The following KCNH5 variants were observed in gnomAD, a reference collection of about 807,000 sequenced individuals.
The protein encoded by KCNH5 is potassium voltage-gated channel subfamily H member 5, also known as voltage-gated delayed rectifier potassium channel KCNH5.
In KCNH5, 46 loss-of-function variants were observed where a neutral mutation model predicts 96.1. The observed-to-expected ratio is 0.48, with a 90% confidence interval of 0.38 to 0.61. The LOEUF is 0.61. KCNH5 is among the 20% of genes least tolerant of loss of function. KCNH5 has a pLI of 0.00. For synonymous variants in KCNH5, 439 were observed against 449.8 expected (o/e 0.98, Z 0.30); for missense variants, 907 against 1,225.8 (o/e 0.74, Z 3.88).
chr14:63,017,100 C>G, intron 1 of KCNH5, 146 bp from the exon 2 acceptor site: 2 of 709,892 alleles, frequency 2.8e-6, no homozygotes, highest in Non-Finnish European at 4.2e-6. Context: ...GTTCTTGAAA[C>G]TGACATAACC....
chr14:62,995,996 C>G (rs1319654948), intron 4 of KCNH5, among the ~76,000 whole-genome samples: 1 of 152,056 alleles, frequency 6.6e-6, no homozygotes, highest in Admixed American at 6.6e-5. Flanking sequence ...GTGCCCAAAA[C>G]TGAATCAACA....
At chr14:62,718,196 T>G (rs1299486416) in intron 10 of KCNH5, among the ~76,000 whole-genome samples, 1 of 152,078 alleles carries the variant, frequency 6.6e-6, no homozygotes, top group African/African-American at 2.4e-5. Flanking sequence ...GGGTACTCTG[T>G]TCACTATTTG....
intron 8 of KCNH5, among the ~76,000 whole-genome samples, chr14:62,824,291 T>C (rs945034811): frequency 1.3e-5 from 2 of 152,016 alleles, no homozygotes; most frequent in South Asian, 2.1e-4. Context: ...CTGAATACTT[T>C]TCCCCTAAAG....
intron 7 of KCNH5, among the ~76,000 whole-genome samples, chr14:62,928,977 G>A (rs769168709): frequency 6.6e-6 from 1 of 151,964 alleles, no homozygotes; most frequent in Non-Finnish European, 1.5e-5. Context: ...TGTCCAGCCA[G>A]GACCTCTCCC....
intron 1 of KCNH5, among the ~76,000 whole-genome samples, chr14:63,018,998 C>CATCA (rs1304300584): frequency 6.6e-6 from 1 of 151,794 alleles, no homozygotes; most frequent in African/African-American, 2.4e-5. Context: ...TTTGAAAACA[C>CATCA]ATCAATACAA....
chr14:62,799,727 A>G (rs1886616914), intron 9 of KCNH5, among the ~76,000 whole-genome samples: 1 of 58,710 alleles, frequency 1.7e-5, no homozygotes, highest in African/African-American at 4.9e-5. Flanking sequence ...ATATATATAT[A>G]CACACACACA....
chr14:62,870,542 A>T (rs951538767), intron 7 of KCNH5, among the ~76,000 whole-genome samples: 10 of 152,290 alleles, frequency 6.6e-5, no homozygotes, highest in Middle Eastern at 6.8e-3. Flanking sequence ...TAATTTTTTT[A>T]ACTTAAAAAA....
chr14:62,786,790 T>C (rs916602610), intron 9 of KCNH5, among the ~76,000 whole-genome samples: 1 of 152,200 alleles, frequency 6.6e-6, no homozygotes, highest in Non-Finnish European at 1.5e-5. Flanking sequence ...TATGGAAATC[T>C]GTGATCAGTA....
intron 10 of KCNH5, among the ~76,000 whole-genome samples, chr14:62,734,771 T>C (rs1362692093): frequency 6.6e-6 from 1 of 152,186 alleles, no homozygotes; most frequent in African/African-American, 2.4e-5. Context: ...GACTTGGTCC[T>C]TTTTTCACAA....
intron 7 of KCNH5, among the ~76,000 whole-genome samples, chr14:62,854,265 T>C (rs957513357): frequency 6.6e-6 from 1 of 152,190 alleles, no homozygotes; most frequent in Admixed American, 6.5e-5. Flanking sequence ...ACTGCTGTAT[T>C]TTCCCAATAT....
chr14:62,803,032 T>C (rs1162545152), intron 8 of KCNH5, among the ~76,000 whole-genome samples: 1 of 152,122 alleles, frequency 6.6e-6, no homozygotes, highest in Non-Finnish European at 1.5e-5. Flanking sequence ...ATGCCTGTAG[T>C]TCTAGCTACT....
At chr14:63,034,195 G>A (rs991454339) in intron 1 of KCNH5, among the ~76,000 whole-genome samples, 2 of 152,130 alleles carry the variant, frequency 1.3e-5, no homozygotes. Context: ...TGGGATTACA[G>A]GTATGAGCCA....
chr14:62,793,224 T>C (rs909752487), intron 9 of KCNH5, among the ~76,000 whole-genome samples: 8 of 151,790 alleles, frequency 5.3e-5, no homozygotes, highest in Admixed American at 4.6e-4. Context: ...ATATCTGCTG[T>C]ACACATAGAG....
At chr14:62,983,937 C>G (rs1451984689) in intron 5 of KCNH5, among the ~76,000 whole-genome samples, 1 of 151,428 alleles carries the variant, frequency 6.6e-6, no homozygotes. Flanking sequence ...AAGATGGGGA[C>G]AAAAAGGAGG....
intron 7 of KCNH5, among the ~76,000 whole-genome samples, chr14:62,868,829 T>A (rs1182684702): frequency 6.6e-6 from 1 of 152,174 alleles, no homozygotes; most frequent in Non-Finnish European, 1.5e-5. Flanking sequence ...GAATGATGGT[T>A]TCCAGCTTCA....
At chr14:62,782,082 C>T (rs914558275) in intron 9 of KCNH5, among the ~76,000 whole-genome samples, 1 of 152,136 alleles carries the variant, frequency 6.6e-6, no homozygotes, top group Non-Finnish European at 1.5e-5. Context: ...GTTTGGGGTC[C>T]CTGACTTCCC....
At chr14:62,905,268 C>G (rs2140096179) in intron 7 of KCNH5, among the ~76,000 whole-genome samples, 2 of 152,238 alleles carry the variant, frequency 1.3e-5, no homozygotes, top group Middle Eastern at 6.8e-3. Flanking sequence ...AATAAAAACA[C>G]CTGGTAACAT....
intron 10 of KCNH5, among the ~76,000 whole-genome samples, chr14:62,719,231 C>T (rs1189844931): frequency 3.9e-5 from 6 of 152,180 alleles, no homozygotes; most frequent in Admixed American, 2.0e-4. Flanking sequence ...ATAAAAAATA[C>T]AGGTCTCCTT....
chr14:62,829,972 A>G (rs1887308722), intron 8 of KCNH5, among the ~76,000 whole-genome samples: 1 of 152,224 alleles, frequency 6.6e-6, no homozygotes, highest in Admixed American at 6.5e-5. Context: ...AAGTCAGGTC[A>G]CGTCTTGAAT....
Sources: gnomAD v4.1 joint callset for allele counts (sites outside exome capture counted in the v4.1 genomes callset) on GRCh38, gnomAD v4.1.1 for gene constraint, MANE v1.5 for transcripts, NCBI Gene and HGNC (gene_info 2026-07-23, HGNC 2026-07-21) for gene names.